The following SOS1 variants were observed in gnomAD, a reference collection of about 807,000 sequenced individuals.
SOS1 encodes son of sevenless homolog 1.
Under a neutral mutation model 157.6 loss-of-function variants are expected in SOS1, and 25 were observed. The ratio of observed to expected loss-of-function variants is 0.16; its 90% CI spans 0.12 to 0.22. SOS1 has a LOEUF of 0.22. Ranked by LOEUF, SOS1 falls within the 10% of genes least tolerant of loss-of-function variation. SOS1 has a pLI of 1.00. For synonymous variants in SOS1, 528 were observed against 534.0 expected, an observed-to-expected ratio of 0.99 and a Z score of 0.16; for missense variants, 1,237 against 1,599.1, an observed-to-expected ratio of 0.77 and a Z score of 3.86.
Position 38,995,219 on chromosome 2 carries a change from T to C in SOS1, c.3250A>G (p.Arg1084Gly), listed in dbSNP as rs1413950512. Residue 1084 changes from arginine (R) to glycine (G), a missense_variant, in exon 20 of 23, where the codon AGA becomes GGA. Arg to Gly is a moderately radical substitution (Grantham distance 125). Coordinates refer to ENST00000402219, the MANE Select transcript of SOS1 (RefSeq NM_005633.4). ...ESTASAPNSPRTPLTPPPASG... is the reference protein window; with the variant it reads ...ESTASAPNSPGTPLTPPPASG... Reference sequence around the variant, plus strand: ...GCAGGCGGAGGTGTTAACGGTGTTCTTGGAGAATTTGGTGCAGATGCTGTA... The same window carrying C: ...GCAGGCGGAGGTGTTAACGGTGTTCCTGGAGAATTTGGTGCAGATGCTGTA... The C allele has an allele frequency of 1.2e-6, 2 of 1,614,090 alleles. No homozygotes were observed. Among genetic ancestry groups the C allele is most frequent in the Non-Finnish European group, 1.7e-6 (2 of 1,179,948 alleles).
chr2:39,058,863 TA>T, intron 2 of SOS1, 59 bp from the exon 3 acceptor site: 1 of 1,357,422 alleles, frequency 7.4e-7, no homozygotes, highest in Non-Finnish European at 1.0e-6. Flanking sequence ...GCTCTTCACT[TA>T]AAATTTACTT....
intron 1 of SOS1, among the ~76,000 whole-genome samples, chr2:39,106,885 T>C (rs1045231974): frequency 1.3e-5 from 2 of 152,174 alleles, no homozygotes; most frequent in African/African-American, 2.4e-5. Flanking sequence ...GTTCATAGAG[T>C]AAAAATTTGG....
chr2:39,122,375 A>T (rs938632434), upstream of SOS1, among the ~76,000 whole-genome samples: 1 of 151,842 alleles, frequency 6.6e-6, no homozygotes, highest in African/African-American at 2.4e-5. Context: ...GGTTGCAGTG[A>T]GCCGGGATCA....
intron 9 of SOS1, 50 bp from the exon 10 acceptor site, chr2:39,023,275 G>C (rs753580003): frequency 1.4e-6 from 2 of 1,413,860 alleles, no homozygotes; most frequent in South Asian, 1.2e-5. Context: ...AGAAAACCTA[G>C]AGCTCATGTA....
At chr2:39,078,148 C>T (rs964420494) in intron 1 of SOS1, among the ~76,000 whole-genome samples, 1 of 152,066 alleles carries the variant, frequency 6.6e-6, no homozygotes, top group Non-Finnish European at 1.5e-5. Context: ...CACAACTGCC[C>T]CATAAATATT....
rs191853536 is a variant in SOS1 at position 39,004,086 on chromosome 2, G to T, written c.2791+2326C>A. Among the ~76,000 whole-genome samples, 168 of 152,268 alleles carry T rather than the reference G, an allele frequency of 1.1e-3. 1 individual carries two copies. The highest frequency in any genetic ancestry group is 3.7e-3 in the African/African-American group (153 of 41,572). On this transcript the variant is annotated intron_variant, in intron 17 of 22. Transcript: ENST00000402219. ...GACAATCCTTAAAACTGTGGCAGGG[G>T]TATAGGAAGTCAGTGAGATACAATA...
intron 22 of SOS1, among the ~76,000 whole-genome samples, chr2:38,986,745 C>T (rs922929715): frequency 6.6e-6 from 1 of 152,066 alleles, no homozygotes; most frequent in Non-Finnish European, 1.5e-5. Flanking sequence ...GTAGTTTTTA[C>T]TTAAATTTTT....
At chr2:39,035,175 T>C in intron 8 of SOS1, 37 bp downstream of exon 8, 1 of 1,438,390 alleles carries the variant, frequency 7.0e-7, no homozygotes, top group South Asian at 1.2e-5. Context: ...AATTCACACT[T>C]GAATATGTTA....
At chr2:39,005,460 T>C (rs1217442171) in intron 17 of SOS1, among the ~76,000 whole-genome samples, 2 of 152,186 alleles carry the variant, frequency 1.3e-5, no homozygotes, top group Non-Finnish European at 2.9e-5. Flanking sequence ...CTTTATGGAA[T>C]ATTATGCAGC....
chr2:39,035,331 ATTTTT>A (rs371246542), intron 7 of SOS1, 21 bp from the exon 8 acceptor site: 1 of 1,558,984 alleles, frequency 6.4e-7, no homozygotes, highest in Non-Finnish European at 8.8e-7. Flanking sequence ...AAGTGATTTA[ATTTTT>A]TTTTTAAGTT....
chr2:38,982,698 T>A lies in SOS1; in HGVS notation c.*3126A>T, dbSNP rs1330879081. The A allele has an allele frequency of 6.6e-6, 1 of 152,144 alleles. No individual in the cohort carries two copies. Among genetic ancestry groups the A allele is most frequent in the Non-Finnish European group, 1.5e-5 (1 of 68,008 alleles). 9.4% of individuals were successfully genotyped at this position (152,144 alleles called of 1,614,324 possible). On this transcript the variant is annotated 3_prime_UTR_variant, in exon 23 of 23. Transcript: ENST00000402219. ...GGGACACTCCTCCTATTTTGCTGAGTCACTTAAAAATCTGAATTTAAGCTG... is the reference window on the plus strand; with the variant it reads ...GGGACACTCCTCCTATTTTGCTGAGACACTTAAAAATCTGAATTTAAGCTG...
rs397517153 is a variant in SOS1, at chr2:39,022,779, A to C, written c.1649T>G (p.Leu550Arg). The stretch of plus-strand genomic sequence containing the variant: ...CATTGTTACATCAAGCATCCTTTCC[A>C]GTGTACTCCGGTACTGTAAAGATAT... The part of the protein sequence containing the change: ...ALISLQYRST[L>R]ERMLDVTMLQ... The change falls in exon 10 of 23, where the codon CTG becomes CGG. Residue 550 changes from leucine to arginine, a missense_variant. By Grantham distance (102) the Leu-to-Arg change is moderately radical (BLOSUM62 -2). Around this residue, in one of 15 missense-constraint regions of SOS1, gnomAD observed 210 missense variants for 220.2 expected, o/e 0.95. Transcript: ENST00000402219. The C allele has an allele frequency of 6.2e-7, 1 of 1,613,634 alleles. No homozygotes were observed. Among genetic ancestry groups the C allele is most frequent in the Non-Finnish European group, 8.5e-7 (1 of 1,179,658 alleles).
intron 1 of SOS1, among the ~76,000 whole-genome samples, chr2:39,085,441 A>G (rs763652290): frequency 5.3e-5 from 8 of 152,234 alleles, no homozygotes; most frequent in Non-Finnish European, 1.2e-4. Flanking sequence ...TCTACTGTCT[A>G]TCATTGGCAG....
intron 1 of SOS1, among the ~76,000 whole-genome samples, chr2:39,102,530 C>CAAAAAAAAAAAAAAAA (rs70954782): frequency 2.0e-5 from 1 of 50,596 alleles, no homozygotes; most frequent in Non-Finnish European, 3.2e-5. Flanking sequence ...GACTCCATCT[C>CAAAAAAAAAAAAAAAA]AAAAAAAAAA....
intron 1 of SOS1, among the ~76,000 whole-genome samples, chr2:39,106,144 T>C (rs1427919148): frequency 6.7e-6 from 1 of 150,060 alleles, no homozygotes; most frequent in East Asian, 2.0e-4. Context: ...CACTTGAGCC[T>C]AGAAGGTGGA....
chr2:39,105,132 A>G (rs2148212955), intron 1 of SOS1, among the ~76,000 whole-genome samples: 1 of 152,354 alleles, frequency 6.6e-6, no homozygotes, highest in South Asian at 2.1e-4. Flanking sequence ...AGTGCATTCC[A>G]TTACAAATTA....
intron 6 of SOS1, among the ~76,000 whole-genome samples, chr2:39,043,912 T>G (rs1670664298): frequency 6.6e-6 from 1 of 151,778 alleles, no homozygotes; most frequent in Non-Finnish European, 1.5e-5. Context: ...ACCTGGTCTA[T>G]GCCGCAAGTC....
chr2:39,021,689 C>G (rs1669803853), intron 10 of SOS1, among the ~76,000 whole-genome samples: 1 of 151,584 alleles, frequency 6.6e-6, no homozygotes, highest in Non-Finnish European at 1.5e-5. Context: ...TATGAGTCCT[C>G]TAAGGGGACT....
At chr2:39,024,468 A>T (rs150413274) in intron 8 of SOS1, among the ~76,000 whole-genome samples, 3 of 151,874 alleles carry the variant, frequency 2.0e-5, no homozygotes, top group East Asian at 3.9e-4. Flanking sequence ...GCATACCACT[A>T]AGCATGTAGA....
Sources: allele counts gnomAD v4.1 joint callset (sites outside exome capture counted in the v4.1 genomes callset), GRCh38; gene constraint gnomAD v4.1.1; regional missense constraint gnomAD v4.1.1; transcripts MANE v1.5; gene names NCBI Gene and HGNC (gene_info 2026-07-23, HGNC 2026-07-21).